The following ARL15 variants were observed in gnomAD, a reference collection of about 807,000 sequenced individuals.
ARL15 encodes the protein ADP-ribosylation factor-like protein 15.
ARL15 carries 19 observed loss-of-function variants against 25.2 expected under a neutral mutation model. The observed-to-expected ratio is 0.75, with a 90% CI of 0.53 to 1.10. The LOEUF (loss-of-function observed/expected upper bound fraction) is 1.10. Ranked by LOEUF, ARL15 falls within the 50% of genes least tolerant of loss-of-function variation. ARL15 has a pLI of 0.00. For missense variants in ARL15, 220 were observed against 246.0 expected (o/e 0.89, Z 0.71); for synonymous variants, 94 against 86.8 (o/e 1.08, Z -0.46).
chr5:54,174,106 C>T (rs1754796250), intron 1 of ARL15, among the ~76,000 whole-genome samples: 1 of 152,256 alleles, frequency 6.6e-6, no homozygotes, highest in African/African-American at 2.4e-5. Flanking sequence ...CCTGTGAGAA[C>T]CATGTCTGTC....
intron 4 of ARL15, among the ~76,000 whole-genome samples, chr5:53,971,660 T>C (rs1162886953): frequency 6.6e-6 from 1 of 152,102 alleles, no homozygotes; most frequent in Admixed American, 6.5e-5. Flanking sequence ...ATATGTTAAA[T>C]TTCATATTTG....
intron 4 of ARL15, among the ~76,000 whole-genome samples, chr5:53,952,776 A>C (rs1438545109): frequency 6.6e-6 from 1 of 152,244 alleles, no homozygotes; most frequent in Non-Finnish European, 1.5e-5. Flanking sequence ...ACATTCAAAT[A>C]AGAAACAGCA....
intron 1 of ARL15, among the ~76,000 whole-genome samples, chr5:54,296,092 C>T (rs1758459548): frequency 6.6e-6 from 1 of 152,208 alleles, no homozygotes; most frequent in African/African-American, 2.4e-5. Flanking sequence ...CAGGACCTTT[C>T]ACCCTGTGAA....
chr5:54,033,672 C>CAA (rs772061280), intron 4 of ARL15, among the ~76,000 whole-genome samples: 2 of 73,066 alleles, frequency 2.7e-5, no homozygotes, highest in Non-Finnish European at 2.9e-5. Flanking sequence ...AATTCCATCT[C>CAA]AAAAAAAAAA....
chr5:54,153,691 T>C (rs1754136743), intron 3 of ARL15, among the ~76,000 whole-genome samples: 1 of 152,174 alleles, frequency 6.6e-6, no homozygotes, highest in South Asian at 2.1e-4. Context: ...AACAGACACC[T>C]GAAAAGATCA....
intron 1 of ARL15, among the ~76,000 whole-genome samples, chr5:54,310,109 G>A (rs1246478915): frequency 6.6e-6 from 1 of 152,218 alleles, no homozygotes; most frequent in Admixed American, 6.5e-5. Flanking sequence ...TCTGCGGAGA[G>A]CGCAGAGGGA....
intron 4 of ARL15, among the ~76,000 whole-genome samples, chr5:53,943,316 A>AT (rs989210151): frequency 1.3e-5 from 2 of 152,160 alleles, no homozygotes; most frequent in African/African-American, 4.8e-5. Flanking sequence ...AGGTTAGTAG[A>AT]TTTTTTGTTT....
At chr5:54,179,638 A>G (rs1754989910) in intron 1 of ARL15, among the ~76,000 whole-genome samples, 1 of 152,102 alleles carries the variant, frequency 6.6e-6, no homozygotes, top group Non-Finnish European at 1.5e-5. Flanking sequence ...AGGGGATACC[A>G]AAGTGCTGCT....
At chr5:54,193,893 T>C (rs76029826) in intron 1 of ARL15, among the ~76,000 whole-genome samples, 337 of 152,208 alleles carry the variant, frequency 2.2e-3, no homozygotes, top group African/African-American at 7.7e-3. Flanking sequence ...TTAAAAAGCT[T>C]GGTTGAATTT....
At chr5:54,284,503 T>C (rs1483492899) in intron 1 of ARL15, among the ~76,000 whole-genome samples, 1 of 152,218 alleles carries the variant, frequency 6.6e-6, no homozygotes, top group Non-Finnish European at 1.5e-5. Flanking sequence ...GTATTCCCAG[T>C]GCCATATGAA....
intron 3 of ARL15, among the ~76,000 whole-genome samples, chr5:54,147,236 T>C (rs1753936838): frequency 6.6e-6 from 1 of 152,142 alleles, no homozygotes; most frequent in South Asian, 2.1e-4. Context: ...AACAATATTA[T>C]ATCAAGAAGT....
At chr5:53,889,207 C>T (rs930756839) in intron 4 of ARL15, among the ~76,000 whole-genome samples, 23 of 151,958 alleles carry the variant, frequency 1.5e-4, no homozygotes, top group South Asian at 2.1e-4. Context: ...AAAAATAATA[C>T]GGAATTGATC....
chr5:54,192,058 T>C (rs933771754), intron 1 of ARL15, among the ~76,000 whole-genome samples: 8 of 152,184 alleles, frequency 5.3e-5, no homozygotes, highest in Non-Finnish European at 1.0e-4. Context: ...TTCTTGCAGT[T>C]CCTGGCCCAC....
intron 3 of ARL15, among the ~76,000 whole-genome samples, chr5:54,118,898 T>C (rs2112236683): frequency 6.6e-6 from 1 of 152,322 alleles, no homozygotes; most frequent in Non-Finnish European, 1.5e-5. Context: ...CTACGTACCA[T>C]ACAAACTGAT....
intron 1 of ARL15, among the ~76,000 whole-genome samples, chr5:54,174,186 G>A (rs1224891359): frequency 1.3e-5 from 2 of 152,108 alleles, no homozygotes; most frequent in Admixed American, 6.5e-5. Flanking sequence ...GCAGATAATT[G>A]TTGAATGAAG....
At chr5:54,011,989 C>G (rs1749257852) in intron 4 of ARL15, among the ~76,000 whole-genome samples, 1 of 149,738 alleles carries the variant, frequency 6.7e-6, no homozygotes, top group African/African-American at 2.5e-5. Flanking sequence ...AGCCTGGCAA[C>G]AGAGCAAGAC....
intron 3 of ARL15, among the ~76,000 whole-genome samples, chr5:54,136,913 G>A (rs1753622282): frequency 1.3e-5 from 2 of 150,464 alleles, no homozygotes; most frequent in Admixed American, 1.3e-4. Flanking sequence ...GTCCAAAACT[G>A]GCCCAAGAAT....
intron 3 of ARL15, 83 bp downstream of exon 3, chr5:54,154,497 T>C (rs1579853766): frequency 1.1e-5 from 9 of 841,024 alleles, no homozygotes; most frequent in African/African-American, 3.6e-5. Context: ...TAAGTTATCA[T>C]TATGTTTGAA....
At chr5:53,945,854 G>T (rs1746709100) in intron 4 of ARL15, among the ~76,000 whole-genome samples, 2 of 152,126 alleles carry the variant, frequency 1.3e-5, no homozygotes, top group Admixed American at 6.5e-5. Context: ...GACCTTGCAG[G>T]CCAGGCCCCT....
Sources: gnomAD v4.1 joint callset for allele counts (sites outside exome capture counted in the v4.1 genomes callset) on GRCh38, gnomAD v4.1.1 for gene constraint, MANE v1.5 for transcripts, NCBI Gene and HGNC (gene_info 2026-07-23, HGNC 2026-07-21) for gene names.